GRM7: variants seen among roughly 807,000 people sequenced by gnomAD.
The protein encoded by GRM7 is glutamate metabotropic receptor 7, also known as metabotropic glutamate receptor 7.
GRM7 carries 35 observed loss-of-function variants against 84.5 expected under a neutral mutation model. The observed-to-expected ratio is 0.41, with a 90% CI of 0.32 to 0.55. The LOEUF (loss-of-function observed/expected upper bound fraction) is 0.55, where lower values mean the gene tolerates loss of function less well. Among genes scored for constraint, GRM7 ranks in the 20% least tolerant of loss-of-function variants. The probability of loss-of-function intolerance (pLI) is 0.19; values close to 1 mark genes in which losing one functional copy is unlikely to be tolerated. For missense variants in GRM7, 1,003 were observed against 1,194.6 expected (o/e 0.84, Z 2.36); for synonymous variants, 487 against 455.1 (o/e 1.07, Z -0.89).
At chr3:7,617,514 T>C (rs1010591059) in intron 8 of GRM7, among the ~76,000 whole-genome samples, 1 of 151,982 alleles carries the variant, frequency 6.6e-6, no homozygotes, top group African/African-American at 2.4e-5. Context: ...AGAAGAACTT[T>C]CTAAGTAAAA....
chr3:6,883,790 C>T lies in GRM7; in HGVS notation c.519+21883C>T, dbSNP rs9823138. Among the ~76,000 whole-genome samples, 1,433 of 152,256 alleles carry T rather than the reference C, an allele frequency of 9.4e-3. 17 individuals are homozygous for T. The highest frequency in any genetic ancestry group is 0.032 in the African/African-American group (1,332 of 41,558). On this transcript the variant is annotated intron_variant, in intron 1 of 9. Coordinates refer to ENST00000357716, the MANE Select transcript of GRM7 (RefSeq NM_000844.4). ...ATCCAAAACAGCAAGGACTTGAAAC[C>T]GTGAGGATCCTGCTTATAGAATCTT...
At chr3:7,452,171 C>T (rs1697798145) in intron 5 of GRM7, among the ~76,000 whole-genome samples, 1 of 152,158 alleles carries the variant, frequency 6.6e-6, no homozygotes, top group South Asian at 2.1e-4. Context: ...GTAATACTAA[C>T]AATCGAGACA....
intron 2 of GRM7, among the ~76,000 whole-genome samples, chr3:7,172,705 G>A (rs1695025268): frequency 6.6e-6 from 1 of 152,034 alleles, no homozygotes; most frequent in Non-Finnish European, 1.5e-5. Flanking sequence ...AAGATCTTTG[G>A]AGTTCTACTT....
At chr3:7,706,055 C>T (rs774597358) in intron 9 of GRM7, among the ~76,000 whole-genome samples, 1 of 152,116 alleles carries the variant, frequency 6.6e-6, no homozygotes, top group Admixed American at 6.6e-5. Flanking sequence ...AACAACAACA[C>T]TGGAGATGAA....
intron 2 of GRM7, among the ~76,000 whole-genome samples, chr3:7,254,065 T>C (rs1698109755): frequency 6.6e-6 from 1 of 152,122 alleles, no homozygotes; most frequent in African/African-American, 2.4e-5. Context: ...TAGGGTATCT[T>C]CTTTATACAT....
At chr3:7,530,662 T>C (rs1701002478) in intron 7 of GRM7, among the ~76,000 whole-genome samples, 1 of 152,216 alleles carries the variant, frequency 6.6e-6, no homozygotes, top group Admixed American at 6.5e-5. Context: ...GATAGCTCAT[T>C]GTGGTTTTGA....
chr3:7,680,929 A>AT (rs1335785176), intron 9 of GRM7: 1 of 152,544 alleles, frequency 6.6e-6, no homozygotes, highest in Non-Finnish European at 1.5e-5. Context: ...AGGAAAAAAA[A>AT]CATTGGATTT....
At chr3:7,341,274 A>G (rs1361124983) in intron 4 of GRM7, among the ~76,000 whole-genome samples, 1 of 152,124 alleles carries the variant, frequency 6.6e-6, no homozygotes, top group East Asian at 1.9e-4. Flanking sequence ...AACAAATGTA[A>G]CTTTAAGCAA....
At chr3:7,186,894 A>C (rs1575007194) in intron 2 of GRM7, among the ~76,000 whole-genome samples, 1 of 152,148 alleles carries the variant, frequency 6.6e-6, no homozygotes, top group Non-Finnish European at 1.5e-5. Context: ...CCAAGTGTCT[A>C]AGACAATACG....
intron 1 of GRM7, among the ~76,000 whole-genome samples, chr3:6,935,715 A>T (rs1050986700): frequency 2.5e-5 from 3 of 119,916 alleles, no homozygotes; most frequent in Non-Finnish European, 5.3e-5. Context: ...ATTATTATTG[A>T]GACAGAGTCT....
At chr3:7,462,361 G>A (rs947589011) in intron 7 of GRM7, among the ~76,000 whole-genome samples, 1 of 152,104 alleles carries the variant, frequency 6.6e-6, no homozygotes, top group Non-Finnish European at 1.5e-5. Flanking sequence ...ATTGGGGAGG[G>A]CAATTTACTT....
intron 4 of GRM7, among the ~76,000 whole-genome samples, chr3:7,384,337 C>A (rs1271215019): frequency 6.6e-6 from 1 of 152,044 alleles, no homozygotes; most frequent in Non-Finnish European, 1.5e-5. Flanking sequence ...CCGAATAATA[C>A]ATTTGTATCA....
chr3:6,974,722 A>C (rs1184904066), intron 1 of GRM7, among the ~76,000 whole-genome samples: 3 of 152,192 alleles, frequency 2.0e-5, no homozygotes, highest in Non-Finnish European at 2.9e-5. Context: ...ATATCAAGGG[A>C]AAGTTATTTT....
At chr3:7,459,274 T>C (rs996883689) in intron 6 of GRM7, among the ~76,000 whole-genome samples, 1 of 151,996 alleles carries the variant, frequency 6.6e-6, no homozygotes, top group Non-Finnish European at 1.5e-5. Flanking sequence ...GTTTGGAAAA[T>C]TAAAAAAATG....
At chr3:6,895,888 T>C (rs1574984148) in intron 1 of GRM7, among the ~76,000 whole-genome samples, 5 of 152,218 alleles carry the variant, frequency 3.3e-5, no homozygotes, top group Admixed American at 3.3e-4. Flanking sequence ...TATATATTTA[T>C]TCCTCACCCA....
chr3:7,408,727 C>T (rs943338863), intron 4 of GRM7, among the ~76,000 whole-genome samples: 5 of 152,196 alleles, frequency 3.3e-5, no homozygotes, highest in Admixed American at 3.3e-4. Flanking sequence ...GGAACATGTC[C>T]TGAGAGCGCA....
intron 4 of GRM7, among the ~76,000 whole-genome samples, chr3:7,336,715 G>T (rs888959878): frequency 1.3e-5 from 2 of 151,804 alleles, no homozygotes; most frequent in Non-Finnish European, 2.9e-5. Flanking sequence ...CAAAATCAAT[G>T]TACACAAATC....
chr3:7,407,112 C>A (rs945881333), intron 4 of GRM7, among the ~76,000 whole-genome samples: 1 of 152,146 alleles, frequency 6.6e-6, no homozygotes, highest in South Asian at 2.1e-4. Context: ...TTGAGTAAAA[C>A]CCTTACCACA....
chr3:6,863,379 G>A lies in GRM7; in HGVS notation c.519+1472G>A, dbSNP rs79913152. Among the ~76,000 whole-genome samples the A allele has an allele frequency of 0.014, 2,112 of 152,180 alleles. 44 individuals carry two copies. Among genetic ancestry groups the A allele is most frequent in the African/African-American group, 0.049 (2,030 of 41,490 alleles). ...CAAGTGCTTTCCCAAAAGGTGTTGG[G>A]CTTCAGAAGGGGACTCTGTGAGACC... On this transcript the variant is annotated intron_variant, in intron 1 of 9. Transcript: ENST00000357716. This position sits in a 1 kb window ranked among gnomAD's most constrained non-coding sequence, Gnocchi z 4.8.
Sources: allele counts gnomAD v4.1 joint callset (sites outside exome capture counted in the v4.1 genomes callset), GRCh38; gene constraint gnomAD v4.1.1; non-coding constraint Gnocchi (gnomAD v3.1); transcripts MANE v1.5; gene names NCBI Gene and HGNC (gene_info 2026-07-23, HGNC 2026-07-21).